The following ATG7 variants were observed in gnomAD, a reference collection of about 807,000 sequenced individuals.
ATG7 encodes autophagy related 7.
In ATG7, 70 loss-of-function variants were observed where a neutral mutation model predicts 82.4. The observed-to-expected ratio is 0.85, with a 90% CI of 0.70 to 1.04. ATG7 has a LOEUF of 1.04. Among genes scored for constraint, ATG7 ranks in the 50% least tolerant of loss-of-function variants. ATG7 has a pLI of 0.00. For synonymous variants in ATG7, 287 were observed against 313.0 expected, an observed-to-expected ratio of 0.92 and a Z score of 0.88; for missense variants, 792 against 864.3, an observed-to-expected ratio of 0.92 and a Z score of 1.05.
At chr3:11,286,654 C>T (rs1374169096) in intron 3 of ATG7, among the ~76,000 whole-genome samples, 12 of 132,586 alleles carry the variant, frequency 9.1e-5, no homozygotes, top group African/African-American at 3.5e-4. Flanking sequence ...GCAGTGGTGC[C>T]ATCTTGCCAC....
At chr3:11,430,877 G>A (rs2082810397) in intron 20 of ATG7, among the ~76,000 whole-genome samples, 1 of 152,212 alleles carries the variant, frequency 6.6e-6, no homozygotes, top group Non-Finnish European at 1.5e-5. Flanking sequence ...TTTAAAGGAT[G>A]AGTAGACTAT....
intron 9 of ATG7, among the ~76,000 whole-genome samples, chr3:11,328,356 T>C (rs550948098): frequency 2.0e-5 from 3 of 152,338 alleles, no homozygotes; most frequent in Non-Finnish European, 4.4e-5. Context: ...GCTCTGTTTT[T>C]AAAAGTGCCC....
chr3:11,478,603 G>T (rs1354916139), intron 20 of ATG7, among the ~76,000 whole-genome samples: 1 of 152,112 alleles, frequency 6.6e-6, no homozygotes, highest in African/African-American at 2.4e-5. Flanking sequence ...CTCTTGGTTT[G>T]GTTCCATATT....
chr3:11,428,608 A>AT (rs934437726), intron 20 of ATG7, among the ~76,000 whole-genome samples: 4 of 152,126 alleles, frequency 2.6e-5, no homozygotes, highest in Non-Finnish European at 5.9e-5. Context: ...ACTTTAAGGT[A>AT]TTTTTCCCCT....
chr3:11,391,865 T>C (rs992062425), intron 19 of ATG7, among the ~76,000 whole-genome samples: 4 of 151,856 alleles, frequency 2.6e-5, no homozygotes, highest in Non-Finnish European at 4.4e-5. Flanking sequence ...AAGTCCAGGA[T>C]TTCCAACTTC....
intron 19 of ATG7, among the ~76,000 whole-genome samples, chr3:11,412,397 C>T (rs1303079811): frequency 6.6e-6 from 1 of 151,724 alleles, no homozygotes; most frequent in African/African-American, 2.4e-5. Flanking sequence ...ATCTGTGGGA[C>T]TCTTGGGTTG....
At chr3:11,482,868 T>C (rs1355855968) in intron 20 of ATG7, among the ~76,000 whole-genome samples, 1 of 152,054 alleles carries the variant, frequency 6.6e-6, no homozygotes, top group African/African-American at 2.4e-5. Flanking sequence ...CACTGAATTT[T>C]TGTTATCTAT....
the ATG7 span, chr3:11,568,656 C>G: frequency 2.0e-4 from 311 of 1,562,998 alleles, 6 homozygotes; most frequent in Middle Eastern, 0.013. The surrounding 1 kb of genome is among the most constrained non-coding windows in gnomAD (Gnocchi z 5.9). Flanking sequence ...ACATTGTTTT[C>G]CAGGCCCCGC....
At chr3:11,564,918 T>A in the ATG7 span, 1 of 1,597,350 alleles carries the variant, frequency 6.3e-7, no homozygotes, top group Non-Finnish European at 8.5e-7. Flanking sequence ...GGTGTACAGG[T>A]GGCTGCCGTG....
intron 20 of ATG7, among the ~76,000 whole-genome samples, chr3:11,553,544 C>G (rs1039686785): frequency 6.6e-6 from 1 of 152,230 alleles, no homozygotes; most frequent in African/African-American, 2.4e-5. Flanking sequence ...ACTGCTCAGT[C>G]CCACCCTGGG....
chr3:11,510,529 A>AC (rs1402208668), intron 20 of ATG7, among the ~76,000 whole-genome samples: 1 of 149,086 alleles, frequency 6.7e-6, no homozygotes, highest in Admixed American at 6.7e-5. Flanking sequence ...GACCCCCTCA[A>AC]CCCCCCATCT....
downstream of ATG7, chr3:11,558,926 G>T: frequency 7.1e-7 from 1 of 1,417,084 alleles, no homozygotes; most frequent in Non-Finnish European, 9.6e-7. Context: ...AGCCGGACTG[G>T]CTGCCACGGT....
chr3:11,555,058 G>A lies in ATG7; in HGVS notation c.*215G>A, dbSNP rs1205183147. The A allele has an allele frequency of 1.7e-6, 1 of 575,608 alleles. No individual in the cohort carries two copies. Among genetic ancestry groups the A allele is most frequent in the East Asian group, 3.1e-5 (1 of 31,984 alleles). The allele number at this position is 575,608 out of a possible 1,614,324, so 35.7% of individuals were successfully genotyped here. A position where few individuals can be genotyped will look rare whatever the true frequency, so the allele number is the denominator to read the frequency against. On this transcript the variant is annotated 3_prime_UTR_variant, in exon 21 of 21. Transcript: ENST00000693202. ...AGTTCAGAGCTAAATAATAACCTTG[G>A]CCTTGGCCTTGCTATTGACCTGGGA...
At chr3:11,558,168 G>A, downstream of ATG7, 1 of 261,852 alleles carries the variant, frequency 3.8e-6, no homozygotes, top group African/African-American at 2.2e-5. Flanking sequence ...ACACACCCCG[G>A]TCTCAAGAAG....
rs539467557 is a variant in ATG7 at position 11,385,250 on chromosome 3, A to G, written c.1956+5198A>G. ...TCACCATGTTGGCCAGGTTGGTCTCAATCTCTTGACCTTGTAATCTGCCCA... is the reference window on the plus strand; with the variant it reads ...TCACCATGTTGGCCAGGTTGGTCTCGATCTCTTGACCTTGTAATCTGCCCA... On this transcript the variant is annotated intron_variant, in intron 19 of 20. Coordinates refer to ENST00000693202, the MANE Select transcript of ATG7 (RefSeq NM_001349232.2). 1.6e-3 allele frequency among the ~76,000 whole-genome samples: 246 copies of G among 152,176 alleles called. 3 individuals are homozygous for G. The highest frequency in any genetic ancestry group is 3.1e-3 in the Non-Finnish European group (208 of 68,002).
At chr3:11,340,311 CTT>C (rs747188142) in intron 11 of ATG7, among the ~76,000 whole-genome samples, 1 of 144,808 alleles carries the variant, frequency 6.9e-6, no homozygotes, top group African/African-American at 2.5e-5. Context: ...AAAAGATTGT[CTT>C]TTTTTTTTTT....
intron 20 of ATG7, among the ~76,000 whole-genome samples, chr3:11,512,029 C>T (rs905374986): frequency 6.6e-6 from 1 of 152,180 alleles, no homozygotes; most frequent in South Asian, 2.1e-4. Context: ...TTGGCCAGCC[C>T]AGAAAGGGGC....
intron 14 of ATG7, among the ~76,000 whole-genome samples, chr3:11,356,499 A>G (rs2075943498): frequency 6.6e-6 from 1 of 152,228 alleles, no homozygotes; most frequent in Non-Finnish European, 1.5e-5. Context: ...TTGGGTGTGG[A>G]CATAACTGAT....
intron 18 of ATG7, among the ~76,000 whole-genome samples, chr3:11,379,687 T>C (rs983354290): frequency 6.6e-6 from 1 of 152,256 alleles, no homozygotes; most frequent in African/African-American, 2.4e-5. Context: ...CTTTAGATAC[T>C]ACAGCTTGCT....
Sources: allele counts gnomAD v4.1 joint callset (sites outside exome capture counted in the v4.1 genomes callset), GRCh38; gene constraint gnomAD v4.1.1; non-coding constraint Gnocchi (gnomAD v3.1); transcripts MANE v1.5; gene names NCBI Gene and HGNC (gene_info 2026-07-23, HGNC 2026-07-21).